The following NPEPL1 variants were observed in gnomAD, a reference collection of about 807,000 sequenced individuals.
NPEPL1 encodes the protein aminopeptidase like 1.
In NPEPL1, 45 loss-of-function variants were observed where a neutral mutation model predicts 52.4. The ratio of observed to expected loss-of-function variants is 0.86; its 90% CI spans 0.68 to 1.10. The LOEUF (loss-of-function observed/expected upper bound fraction) is 1.10. Ranked by LOEUF, NPEPL1 falls within the 50% of genes least tolerant of loss-of-function variation. NPEPL1 has a pLI of 0.00. For synonymous variants in NPEPL1, 360 were observed against 314.7 expected (o/e 1.14, Z -1.52); for missense variants, 696 against 710.9 (o/e 0.98, Z 0.24).
At chr20:58,693,531 A>G in intron 1 of NPEPL1, 1 of 510,232 alleles carries the variant, frequency 2.0e-6, no homozygotes, top group South Asian at 3.1e-5. Flanking sequence ...GCTTCATCCC[A>G]CCAGGGGGAT....
chr20:58,695,294 GTA>G lies in NPEPL1; in HGVS notation c.507+704_507+705del, dbSNP rs2084461615. On this transcript the variant is annotated intron_variant, in intron 3 of 11. Coordinates refer to ENST00000356091, the MANE Select transcript of NPEPL1 (RefSeq NM_024663.4). ...GTGTGTTGTGTGTGTTGCTGTGTGT[GTA>G]TGAGTGCTAGTGTGTGCATGAGTGG... Among the ~76,000 whole-genome samples, 6 of 58,854 alleles carry G rather than the reference GTA, an allele frequency of 1.0e-4. No homozygotes were observed. In the South Asian group the frequency reaches 3.0e-3, roughly 29 times the overall value. The allele number at this position is 58,854 out of a possible 152,430, so 38.6% of individuals were successfully genotyped here.
At chr20:58,712,342 G>A in intron 7 of NPEPL1, 137 bp from the exon 8 acceptor site, 1 of 632,408 alleles carries the variant, frequency 1.6e-6, no homozygotes, top group South Asian at 1.8e-5. Flanking sequence ...TGGCAGGGAG[G>A]GCGAGCTTTG....
chr20:58,715,338 CG>C lies in NPEPL1; in HGVS notation c.*14del. On this transcript the variant is annotated 3_prime_UTR_variant, in exon 12 of 12. Transcript: ENST00000356091. ...GCAGGCTTGTGTGAGCCTCCTGCCT[CG>C]GCCCTGACAAACGGGGATCTTTTAC... 1 of 1,590,148 alleles carries C rather than the reference CG, an allele frequency of 6.3e-7. No individual in the cohort carries two copies. Among genetic ancestry groups the C allele is most frequent in the East Asian group, 2.3e-5 (1 of 44,262 alleles).
intron 7 of NPEPL1, 57 bp downstream of exon 7, chr20:58,707,257 T>A (rs1220819554): frequency 1.4e-6 from 2 of 1,415,066 alleles, no homozygotes; most frequent in Admixed American, 2.1e-5. Flanking sequence ...TCGTGGGTGC[T>A]CCCCTCTCCC....
intron 2 of NPEPL1, 116 bp downstream of exon 2, chr20:58,694,038 G>C: frequency 9.8e-7 from 1 of 1,023,018 alleles, no homozygotes; most frequent in South Asian, 1.7e-5. Context: ...GGCTGTGGAC[G>C]TTATCATCCC....
Position 58,715,304 on chromosome 20 carries a change from C to T in NPEPL1, c.1550C>T (p.Ser517Phe), listed in dbSNP as rs376169710. Residue 517 changes from serine to phenylalanine, a missense_variant, in exon 12 of 12, where the codon TCC (serine) becomes TTC (phenylalanine). Physicochemically the swap from Ser to Phe is radical, Grantham distance 155 (BLOSUM62 -2). Coordinates refer to ENST00000356091, the MANE Select transcript of NPEPL1 (RefSeq NM_024663.4). Reference sequence around the variant, plus strand: ...GAGGAGGGGGACCTGGGGAGGGACTCCAAGAGACGCAGGCTTGTGTGAGCC... The same window carrying T: ...GAGGAGGGGGACCTGGGGAGGGACTTCAAGAGACGCAGGCTTGTGTGAGCC... Reference protein sequence around the residue: ...DVEEGDLGRDSKRRRLV With the variant: ...DVEEGDLGRDFKRRRLV 14 of 1,609,912 alleles carry T rather than the reference C, an allele frequency of 8.7e-6. No individual in the cohort carries two copies. Among genetic ancestry groups the T allele is most frequent in the African/African-American group, 1.3e-5 (1 of 74,848 alleles).
At chr20:58,714,178 C>G (rs571552349) in intron 10 of NPEPL1, 85 bp downstream of exon 10, 89 of 1,465,258 alleles carry the variant, frequency 6.1e-5, no homozygotes, top group Admixed American at 1.1e-4. Flanking sequence ...CTGGTGCACC[C>G]AGGGAGCTGG....
intron 5 of NPEPL1, 26 bp downstream of exon 5, chr20:58,699,304 C>T (rs749933571): frequency 6.3e-7 from 1 of 1,575,912 alleles, no homozygotes; most frequent in Admixed American, 1.8e-5. Context: ...ATCCCTGCAG[C>T]TCTTGGCCTC....
At chr20:58,692,192 G>A, upstream of NPEPL1, 2 of 303,228 alleles carry the variant, frequency 6.6e-6, no homozygotes, top group Non-Finnish European at 1.2e-5. The surrounding 1 kb of genome is among the most constrained non-coding windows in gnomAD (Gnocchi z 5.7). Flanking sequence ...TGCCCTGGAT[G>A]GAAAGCCACG....
intron 6 of NPEPL1, among the ~76,000 whole-genome samples, chr20:58,706,741 G>A (rs2084740126): frequency 6.6e-6 from 1 of 152,172 alleles, no homozygotes; most frequent in South Asian, 2.1e-4. Flanking sequence ...CCGGGACTGA[G>A]GTCAGGGTGC....
At chr20:58,706,434 G>C (rs542307191) in intron 6 of NPEPL1, among the ~76,000 whole-genome samples, 1 of 152,220 alleles carries the variant, frequency 6.6e-6, no homozygotes, top group Non-Finnish European at 1.5e-5. Flanking sequence ...AGTCTCGTTA[G>C]GTGGTAAAGC....
At chr20:58,695,284 T>G (rs963500411) in intron 3 of NPEPL1, among the ~76,000 whole-genome samples, 4 of 150,094 alleles carry the variant, frequency 2.7e-5, no homozygotes, top group African/African-American at 9.8e-5. Flanking sequence ...TTGTGTGTGT[T>G]GCTGTGTGTG....
chr20:58,706,234 G>A (rs1176874657), intron 6 of NPEPL1, among the ~76,000 whole-genome samples: 3 of 152,230 alleles, frequency 2.0e-5, no homozygotes, highest in Non-Finnish European at 4.4e-5. Flanking sequence ...ACCAGGAGGT[G>A]TGAACTAGCA....
chr20:58,700,967 CGCTCA>C, intron 5 of NPEPL1, 44 bp from the exon 6 acceptor site: 1 of 1,417,608 alleles, frequency 7.1e-7, no homozygotes, highest in Non-Finnish European at 9.3e-7. Flanking sequence ...GGGAGTTCCC[CGCTCA>C]GCTCAGCCCG....
chr20:58,701,143 C>G lies in NPEPL1; in HGVS notation c.807C>G (p.Leu269=). ...GCATCGTCTATGACACTGGAGGCCTCAGCATCAAAGGGAAGGTGAGGTGCG... is the reference window on the plus strand; with the variant it reads ...GCATCGTCTATGACACTGGAGGCCTGAGCATCAAAGGGAAGGTGAGGTGCG... The part of the protein sequence containing the change: ...GKGIVYDTGG[L]SIKGKTTMPG... The change falls in exon 6 of 12, where the codon CTC becomes CTG. Residue 269 remains leucine, a synonymous_variant. Transcript: ENST00000356091. 1.3e-6 allele frequency: 2 copies of G among 1,572,272 alleles called. No individual in the cohort carries two copies. Among genetic ancestry groups the G allele is most frequent in the Non-Finnish European group, 1.7e-6 (2 of 1,160,262 alleles).
chr20:58,691,697 T>TTTTTTTTTTTTTTTTTTTTC, upstream of NPEPL1: 2 of 177,766 alleles, frequency 1.1e-5, no homozygotes, highest in Admixed American at 1.1e-4. Flanking sequence ...TCTTTTCTTT[T>TTTTTTTTTTTTTTTTTTTTC]TTTTTTTTTT....
chr20:58,693,433 C>T (rs1453401954), intron 1 of NPEPL1: 3 of 307,528 alleles, frequency 9.8e-6, no homozygotes, highest in African/African-American at 2.2e-5. Flanking sequence ...ACACCTGGCC[C>T]CTGCCCCCTC....
At chr20:58,701,492 G>A (rs2084621600) in intron 6 of NPEPL1, among the ~76,000 whole-genome samples, 1 of 151,988 alleles carries the variant, frequency 6.6e-6, no homozygotes, top group Non-Finnish European at 1.5e-5. Flanking sequence ...AGTGCGCAGG[G>A]CGGGTTCCCA....
intron 3 of NPEPL1, among the ~76,000 whole-genome samples, chr20:58,697,178 G>C (rs2084511046): frequency 1.3e-5 from 2 of 152,198 alleles, no homozygotes; most frequent in Admixed American, 6.5e-5. Context: ...CAGAATGAGT[G>C]GTCCTCCTCT....
Sources: allele counts gnomAD v4.1 joint callset (sites outside exome capture counted in the v4.1 genomes callset), GRCh38; gene constraint gnomAD v4.1.1; non-coding constraint Gnocchi (gnomAD v3.1); transcripts MANE v1.5; gene names NCBI Gene and HGNC (gene_info 2026-07-23, HGNC 2026-07-21).